The following STK31 variants were observed in gnomAD, a reference collection of about 807,000 sequenced individuals.
STK31 encodes serine/threonine-protein kinase 31.
STK31 carries 89 observed loss-of-function variants against 129.7 expected under a neutral mutation model. The observed-to-expected ratio is 0.69, with a 90% CI of 0.58 to 0.82. The LOEUF is 0.82. Ranked by LOEUF, STK31 falls within the 40% of genes least tolerant of loss-of-function variation. STK31 has a pLI of 0.00. For synonymous variants in STK31, 448 were observed against 395.3 expected, an observed-to-expected ratio of 1.13 and a Z score of -1.58; for missense variants, 1,187 against 1,176.4, an observed-to-expected ratio of 1.01 and a Z score of -0.13.
At chr7:23,733,859 G>A (rs1323459056) in intron 6 of STK31, among the ~76,000 whole-genome samples, 2 of 151,546 alleles carry the variant, frequency 1.3e-5, no homozygotes, top group Admixed American at 1.3e-4. Flanking sequence ...AATTTTTTTT[G>A]TAATCCTATG....
chr7:23,714,747 T>G (rs1354549596), intron 3 of STK31, among the ~76,000 whole-genome samples: 2 of 152,222 alleles, frequency 1.3e-5, no homozygotes, highest in Non-Finnish European at 2.9e-5. Flanking sequence ...TTTGTGAATA[T>G]GTTGATTGAA....
chr7:23,748,717 T>C (rs574677460), intron 8 of STK31, among the ~76,000 whole-genome samples: 102 of 152,136 alleles, frequency 6.7e-4, no homozygotes, highest in African/African-American at 2.3e-3. Context: ...TAACATTTTC[T>C]TTTTTTTGGC....
chr7:23,810,937 A>G (rs868274082), intron 22 of STK31, among the ~76,000 whole-genome samples: 2 of 136,850 alleles, frequency 1.5e-5, no homozygotes, highest in South Asian at 2.2e-4. Context: ...GTGTGTGTGT[A>G]TATACACACA....
chr7:23,725,406 T>G (rs376140036), intron 4 of STK31, among the ~76,000 whole-genome samples: 84 of 140,378 alleles, frequency 6.0e-4, no homozygotes, highest in African/African-American at 1.9e-3. Flanking sequence ...AAGCTAGGTA[T>G]GGTATGTGTG....
At chr7:23,826,379 T>C (rs1039552302) in intron 23 of STK31, among the ~76,000 whole-genome samples, 3 of 152,156 alleles carry the variant, frequency 2.0e-5, no homozygotes, top group Admixed American at 1.3e-4. Flanking sequence ...TTTTGATCTT[T>C]GTTGGTTTAA....
At chr7:23,785,652 T>C in intron 18 of STK31, 49 bp downstream of exon 18, 1 of 1,570,888 alleles carries the variant, frequency 6.4e-7, no homozygotes, top group Non-Finnish European at 8.7e-7. Context: ...GCATAAAGGA[T>C]AGTGGTGCTG....
Position 23,769,122 on chromosome 7 carries a change from A to G in STK31, c.1544A>G (p.Glu515Gly). The G allele has an allele frequency of 6.2e-7, 1 of 1,612,552 alleles. No homozygotes were observed. Among genetic ancestry groups the G allele is most frequent in the African/African-American group, 1.3e-5 (1 of 75,016 alleles). ...KREEFTSVRS[E>G]TDASLHRLVA... ...GAGGAGTTCACCAGTGTTAGAAGTG[A>G]AACAGACGCTTCTCTGCACCGTCTT... is the stretch of plus-strand genomic sequence containing the variant. The change falls in exon 12 of 24, where the codon GAA becomes GGA. Residue 515 changes from glutamate to glycine, a missense_variant. Transcript: ENST00000355870.
At chr7:23,711,169 T>A (rs1785934947) in intron 1 of STK31, among the ~76,000 whole-genome samples, 2 of 152,320 alleles carry the variant, frequency 1.3e-5, no homozygotes, top group South Asian at 4.1e-4. Flanking sequence ...AAAATTGCGG[T>A]GGCTTAGGCC....
chr7:23,824,440 A>G (rs989617607), intron 23 of STK31, among the ~76,000 whole-genome samples: 1 of 152,212 alleles, frequency 6.6e-6, no homozygotes, highest in African/African-American at 2.4e-5. Flanking sequence ...ATTTTTGCAC[A>G]TTGATTTTGT....
rs60718598 is a variant in STK31 at position 23,810,600 on chromosome 7, TTATA to T, written c.2761-4529_2761-4526del. On this transcript the variant is annotated intron_variant, in intron 22 of 23. Coordinates refer to ENST00000355870, the MANE Select transcript of STK31 (RefSeq NM_031414.5). Reference sequence around the variant, plus strand: ...GAAAAAATTTTAAGAGTCCATCTTTTTATATATATATATATATAATATATATAAT... The same window carrying T: ...GAAAAAATTTTAAGAGTCCATCTTTTTATATATATATATAATATATATAAT... Among the ~76,000 whole-genome samples the T allele has an allele frequency of 1.2e-4, 16 of 133,148 alleles. No individual in the cohort carries two copies. The East Asian group carries it at 3.2e-3, about 27-fold the overall frequency. The allele number at this position is 133,148 out of a possible 152,430, so 87.4% of individuals were successfully genotyped here. A position where few individuals can be genotyped will look rare whatever the true frequency, so the allele number is the denominator to read the frequency against.
In STK31 at chr7:23,789,013, T is replaced by C. The variant is rs567168364; in HGVS notation, c.2637+884T>C. On this transcript the variant is annotated intron_variant, in intron 21 of 23. Coordinates refer to ENST00000355870, the MANE Select transcript of STK31 (RefSeq NM_031414.5). ...ACTACGAATACACTTTCTGTCTCTA[T>C]GGATTTGCCTATTTGGACATCTCAT... is the stretch of plus-strand genomic sequence containing the variant. Among the ~76,000 whole-genome samples, 13 of 152,308 alleles carry C rather than the reference T, an allele frequency of 8.5e-5. No individual in the cohort carries two copies. In the East Asian group the frequency reaches 2.1e-3, roughly 25 times the overall value.
intron 21 of STK31, among the ~76,000 whole-genome samples, chr7:23,789,835 A>T (rs1330847865): frequency 1.3e-5 from 2 of 152,114 alleles, no homozygotes; most frequent in Admixed American, 1.3e-4. Flanking sequence ...TCCCCAAAAC[A>T]TTGTTTTTAA....
At chr7:23,765,793 C>T (rs1053506159) in intron 11 of STK31, among the ~76,000 whole-genome samples, 8 of 152,112 alleles carry the variant, frequency 5.3e-5, no homozygotes, top group African/African-American at 7.2e-5. Flanking sequence ...GTCATCCACC[C>T]GCCTCAGCCT....
At chr7:23,826,089 A>G (rs1027059405) in intron 23 of STK31, among the ~76,000 whole-genome samples, 24 of 152,208 alleles carry the variant, frequency 1.6e-4, no homozygotes, top group African/African-American at 5.8e-4. Context: ...TTTGGGGTGG[A>G]GAGTTCTGTA....
rs1370139330 is a variant in STK31, at chr7:23,730,873, TATA to T, written c.483+1625_483+1627del. Among the ~76,000 whole-genome samples, 183 of 50,218 alleles carry T rather than the reference TATA, an allele frequency of 3.6e-3. 2 individuals are homozygous for T. The highest frequency in any genetic ancestry group is 0.014 in the South Asian group (17 of 1,208). 32.9% of individuals were successfully genotyped at this position (50,218 alleles called of 152,430 possible). On this transcript the variant is annotated intron_variant, in intron 6 of 23. Coordinates refer to ENST00000355870, the MANE Select transcript of STK31 (RefSeq NM_031414.5). ...ATAAACATTTATATATATATATATA[TATA>T]TATTTTTTTTTTTTTTTTTTGGTTG...
intron 23 of STK31, among the ~76,000 whole-genome samples, chr7:23,824,084 C>A (rs1174949736): frequency 6.6e-6 from 1 of 152,116 alleles, no homozygotes; most frequent in East Asian, 1.9e-4. Context: ...AATGCGGGCT[C>A]TTTGTTGGTT....
At chr7:23,784,726 C>T (rs1252645508) in intron 17 of STK31, among the ~76,000 whole-genome samples, 1 of 151,794 alleles carries the variant, frequency 6.6e-6, no homozygotes, top group Non-Finnish European at 1.5e-5. Context: ...ATGCCTCTTA[C>T]TGAAACTGCA....
intron 1 of STK31, 183 bp downstream of exon 1, chr7:23,710,518 G>C: frequency 6.9e-7 from 1 of 1,454,224 alleles, no homozygotes; most frequent in Non-Finnish European, 9.1e-7. Flanking sequence ...ATGCAGGCAG[G>C]CGAAAGTGGC....
At chr7:23,717,777 G>A (rs879672661) in intron 4 of STK31, among the ~76,000 whole-genome samples, 198 bp downstream of exon 4, 3 of 152,104 alleles carry the variant, frequency 2.0e-5, no homozygotes, top group Non-Finnish European at 4.4e-5. Flanking sequence ...GAAATTTGAC[G>A]TAAGCTACAA....
Sources: allele counts gnomAD v4.1 joint callset (sites outside exome capture counted in the v4.1 genomes callset), GRCh38; gene constraint gnomAD v4.1.1; transcripts MANE v1.5; gene names NCBI Gene and HGNC (gene_info 2026-07-23, HGNC 2026-07-21).